Variants in DCC observed in about 807,000 individuals in gnomAD.
DCC encodes the protein DCC netrin 1 receptor.
In DCC, 58 loss-of-function variants were observed where a neutral mutation model predicts 172.5. The ratio of observed to expected loss-of-function variants is 0.34; its 90% CI spans 0.27 to 0.42. The LOEUF is 0.42. Ranked by LOEUF, DCC falls within the 10% of genes least tolerant of loss-of-function variation. DCC has a pLI of 1.00. For synonymous variants in DCC, 709 were observed against 644.5 expected, an observed-to-expected ratio of 1.10 and a Z score of -1.52; for missense variants, 1,740 against 1,791.0, an observed-to-expected ratio of 0.97 and a Z score of 0.51.
chr18:53,177,054 T>G (rs948211432), intron 8 of DCC, among the ~76,000 whole-genome samples: 31 of 152,104 alleles, frequency 2.0e-4, no homozygotes, highest in African/African-American at 7.2e-4. Context: ...TTGGCAATCA[T>G]CATTCTCAGT....
intron 1 of DCC, among the ~76,000 whole-genome samples, chr18:52,682,580 A>G (rs1239725938): frequency 6.6e-6 from 1 of 152,120 alleles, no homozygotes; most frequent in African/African-American, 2.4e-5. Flanking sequence ...TACATTCCTT[A>G]TTTCACTAAA....
chr18:53,506,006 C>G (rs916049938), intron 27 of DCC, among the ~76,000 whole-genome samples: 22 of 152,078 alleles, frequency 1.4e-4, no homozygotes, highest in Non-Finnish European at 2.9e-5. Context: ...ACTTTGTCAC[C>G]TTTTTATAGT....
At chr18:53,288,046 G>A (rs904384446) in intron 12 of DCC, among the ~76,000 whole-genome samples, 1 of 152,026 alleles carries the variant, frequency 6.6e-6, no homozygotes, top group African/African-American at 2.4e-5. Flanking sequence ...CGCATCATCT[G>A]CATACAGGAT....
At chr18:52,555,872 T>A (rs2144731038) in intron 1 of DCC, among the ~76,000 whole-genome samples, 1 of 152,292 alleles carries the variant, frequency 6.6e-6, no homozygotes, top group African/African-American at 2.4e-5. Flanking sequence ...CCTCTTCAAA[T>A]TGATGTAATA....
At chr18:52,828,253 T>C (rs2038548804) in intron 2 of DCC, among the ~76,000 whole-genome samples, 1 of 152,176 alleles carries the variant, frequency 6.6e-6, no homozygotes, top group African/African-American at 2.4e-5. Context: ...GGGAAACAAA[T>C]ACAAGATGTT....
At chr18:52,513,819 C>A (rs561382578) in intron 1 of DCC, among the ~76,000 whole-genome samples, 237 of 152,274 alleles carry the variant, frequency 1.6e-3, no homozygotes, top group African/African-American at 5.3e-3. Flanking sequence ...AGATGTCCAG[C>A]AAAAGTTCTT....
chr18:53,200,427 A>G (rs1353893785), intron 9 of DCC, among the ~76,000 whole-genome samples: 1 of 152,148 alleles, frequency 6.6e-6, no homozygotes, highest in East Asian at 1.9e-4. Context: ...TGTATATAAA[A>G]TCACTCATTT....
chr18:53,265,998 G>A (rs2056669003), intron 12 of DCC, among the ~76,000 whole-genome samples: 1 of 152,112 alleles, frequency 6.6e-6, no homozygotes, highest in East Asian at 1.9e-4. Context: ...AAGCCACCCT[G>A]CCTGTGGACA....
At chr18:52,531,452 T>C (rs1439965621) in intron 1 of DCC, among the ~76,000 whole-genome samples, 2 of 152,172 alleles carry the variant, frequency 1.3e-5, no homozygotes, top group African/African-American at 4.8e-5. Flanking sequence ...CCAATTTAAA[T>C]ATATTTGAAA....
At chr18:53,498,112 C>A (rs2046048124) in intron 26 of DCC, among the ~76,000 whole-genome samples, 1 of 152,174 alleles carries the variant, frequency 6.6e-6, no homozygotes, top group African/African-American at 2.4e-5. Flanking sequence ...AGTATAGATA[C>A]CCTCTGAAGA....
At position 53,043,518 on chromosome 18, in the gene DCC, CA is replaced by C. The variant is rs1250260346; in HGVS notation, c.986-19786del. ...GAAGAAATCCTTGGAGATTACTTCTCATCTGACATTTTATTCTCCAAAGCCT... is the reference window on the plus strand; with the variant it reads ...GAAGAAATCCTTGGAGATTACTTCTCTCTGACATTTTATTCTCCAAAGCCT... On this transcript the variant is annotated intron_variant, in intron 5 of 28. Coordinates refer to ENST00000442544, the MANE Select transcript of DCC (RefSeq NM_005215.4). 2.6e-5 allele frequency among the ~76,000 whole-genome samples: 4 copies of C among 151,980 alleles called. No individual in the cohort carries two copies. The East Asian group carries it at 7.8e-4, about 30-fold the overall frequency.
chr18:53,524,568 T>G (rs781269273), intron 27 of DCC, among the ~76,000 whole-genome samples: 1 of 152,150 alleles, frequency 6.6e-6, no homozygotes, highest in South Asian at 2.1e-4. Flanking sequence ...GTATATATTT[T>G]AAAAATATTG....
At chr18:53,267,401 G>A (rs1265011653) in intron 12 of DCC, among the ~76,000 whole-genome samples, 2 of 152,014 alleles carry the variant, frequency 1.3e-5, no homozygotes, top group South Asian at 2.1e-4. Flanking sequence ...TGGCCAGCCT[G>A]GTCTCGAACT....
chr18:52,561,004 A>G (rs1207116044), intron 1 of DCC, among the ~76,000 whole-genome samples: 1 of 152,162 alleles, frequency 6.6e-6, no homozygotes, highest in African/African-American at 2.4e-5. Flanking sequence ...ATTTGGAAGC[A>G]TATGGAAGGT....
chr18:52,398,774 C>T (rs1010170572), intron 1 of DCC, among the ~76,000 whole-genome samples: 21 of 151,926 alleles, frequency 1.4e-4, no homozygotes, highest in African/African-American at 5.1e-4. Context: ...ACTGGGCTTA[C>T]ATATTGTTTT....
At chr18:53,052,402 CCTTTTT>C (rs2042345784) in intron 5 of DCC, among the ~76,000 whole-genome samples, 1 of 152,050 alleles carries the variant, frequency 6.6e-6, no homozygotes, top group South Asian at 2.1e-4. Context: ...CCCCATCCCC[CCTTTTT>C]CTTTCACTCT....
intron 1 of DCC, among the ~76,000 whole-genome samples, chr18:52,577,882 G>T (rs896936334): frequency 6.6e-6 from 1 of 152,144 alleles, no homozygotes; most frequent in African/African-American, 2.4e-5. Flanking sequence ...ACAAGTAGTT[G>T]GACAGCGATT....
intron 9 of DCC, among the ~76,000 whole-genome samples, chr18:53,192,870 T>A (rs543259609): frequency 2.6e-5 from 4 of 152,206 alleles, no homozygotes; most frequent in Non-Finnish European, 2.9e-5. Context: ...TTCCAGTGTT[T>A]CCTTTCTCAG....
At chr18:52,451,810 T>C (rs1988315400) in intron 1 of DCC, among the ~76,000 whole-genome samples, 1 of 152,126 alleles carries the variant, frequency 6.6e-6, no homozygotes, top group Non-Finnish European at 1.5e-5. Flanking sequence ...TGTCTTGGTT[T>C]ATGTATCTCT....
Sources: gnomAD v4.1 joint callset for allele counts (sites outside exome capture counted in the v4.1 genomes callset) on GRCh38, gnomAD v4.1.1 for gene constraint, MANE v1.5 for transcripts, NCBI Gene and HGNC (gene_info 2026-07-23, HGNC 2026-07-21) for gene names.